GRXCR1: variants seen among roughly 807,000 people sequenced by gnomAD.
The protein encoded by GRXCR1 is glutaredoxin domain-containing cysteine-rich protein 1.
In GRXCR1, 27 loss-of-function variants were observed where a neutral mutation model predicts 27.3. The observed-to-expected ratio is 0.99, with a 90% CI of 0.73 to 1.37. The LOEUF (loss-of-function observed/expected upper bound fraction) is 1.37, where lower values mean the gene tolerates loss of function less well. GRXCR1 is among the 40% of genes most tolerant of loss of function. The pLI is 0.00. For missense variants in GRXCR1, 379 were observed against 354.4 expected (o/e 1.07, Z -0.56); for synonymous variants, 122 against 131.1 (o/e 0.93, Z 0.47).
At chr4:42,911,497 G>C (rs1025112510) in intron 1 of GRXCR1, among the ~76,000 whole-genome samples, 1 of 152,044 alleles carries the variant, frequency 6.6e-6, no homozygotes, top group Non-Finnish European at 1.5e-5. Context: ...AGATAGTATG[G>C]GTGAACAGGA....
intron 2 of GRXCR1, among the ~76,000 whole-genome samples, chr4:42,999,748 A>G (rs1037684214): frequency 2.0e-5 from 3 of 152,234 alleles, no homozygotes; most frequent in African/African-American, 7.2e-5. Context: ...CTAAATTAAG[A>G]AAACAGCTTT....
chr4:42,932,619 T>TATAGAGAGAG (rs1249820617), intron 1 of GRXCR1, among the ~76,000 whole-genome samples: 2 of 22,918 alleles, frequency 8.7e-5, no homozygotes, highest in Non-Finnish European at 1.5e-4. Context: ...TATATATATA[T>TATAGAGAGAG]AGAGAGAGAG....
chr4:42,943,959 T>C (rs559617681), intron 1 of GRXCR1, among the ~76,000 whole-genome samples: 1 of 152,156 alleles, frequency 6.6e-6, no homozygotes, highest in Non-Finnish European at 1.5e-5. Context: ...TCAATGGTGC[T>C]AAGGTTGAGA....
At chr4:42,931,539 A>T (rs879906585) in intron 1 of GRXCR1, among the ~76,000 whole-genome samples, 4 of 151,758 alleles carry the variant, frequency 2.6e-5, no homozygotes, top group African/African-American at 4.8e-5. Context: ...CTCATTAGAT[A>T]CTTTTGTGTC....
intron 1 of GRXCR1, among the ~76,000 whole-genome samples, chr4:42,921,638 AT>A (rs1464712521): frequency 3.9e-5 from 6 of 152,112 alleles, no homozygotes; most frequent in Non-Finnish European, 8.8e-5. Flanking sequence ...GATTTAAAAA[AT>A]GGATGGTTTT....
chr4:42,908,983 A>T (rs1343458434), intron 1 of GRXCR1, among the ~76,000 whole-genome samples: 1 of 152,180 alleles, frequency 6.6e-6, no homozygotes, highest in African/African-American at 2.4e-5. Flanking sequence ...ACCAGGTTCA[A>T]GAAGCCTACG....
At chr4:42,994,788 T>C (rs1436862950) in intron 2 of GRXCR1, among the ~76,000 whole-genome samples, 2 of 152,110 alleles carry the variant, frequency 1.3e-5, no homozygotes, top group East Asian at 3.8e-4. Flanking sequence ...GAGGACATGA[T>C]TAGATTTGAA....
At chr4:42,983,995 CT>C (rs1393165629) in intron 2 of GRXCR1, among the ~76,000 whole-genome samples, 1 of 151,944 alleles carries the variant, frequency 6.6e-6, no homozygotes, top group East Asian at 1.9e-4. Context: ...ACCATCATGC[CT>C]GAATAATTTT....
At chr4:43,019,696 T>C (rs190313436) in intron 2 of GRXCR1, among the ~76,000 whole-genome samples, 1 of 152,166 alleles carries the variant, frequency 6.6e-6, no homozygotes, top group Non-Finnish European at 1.5e-5. Flanking sequence ...GTTTTAGAAG[T>C]TAAAAGCATC....
At chr4:42,997,113 T>C (rs1712191883) in intron 2 of GRXCR1, among the ~76,000 whole-genome samples, 1 of 152,208 alleles carries the variant, frequency 6.6e-6, no homozygotes, top group Non-Finnish European at 1.5e-5. Flanking sequence ...TTAATTTATA[T>C]AAATATGTAC....
chr4:42,953,752 TG>T (rs923932741), intron 1 of GRXCR1, among the ~76,000 whole-genome samples: 12 of 152,164 alleles, frequency 7.9e-5, no homozygotes, highest in African/African-American at 2.9e-4. Context: ...TTGGATTTTT[TG>T]TTCATAGCAA....
At chr4:42,909,392 G>T (rs1284152977) in intron 1 of GRXCR1, among the ~76,000 whole-genome samples, 5 of 152,114 alleles carry the variant, frequency 3.3e-5, no homozygotes, top group Non-Finnish European at 5.9e-5. Context: ...CACATCTCTG[G>T]AAGTGGGGAT....
In GRXCR1 at chr4:43,023,516, G is replaced by C. The variant is rs917113249; in HGVS notation, c.693+3097G>C. Among the ~76,000 whole-genome samples, 3 of 152,220 alleles carry C rather than the reference G, an allele frequency of 2.0e-5. No individual in the cohort carries two copies. The East Asian group carries it at 5.8e-4, about 29-fold the overall frequency. On this transcript the variant is annotated intron_variant, in intron 3 of 3. Transcript: ENST00000399770. Reference sequence around the variant, plus strand: ...GATTATTAGTGGCCTCAAACGTGAGGAGCTGGCCAAAGGCAGCAGAAGCTA... The same window carrying C: ...GATTATTAGTGGCCTCAAACGTGAGCAGCTGGCCAAAGGCAGCAGAAGCTA...
At chr4:42,926,850 C>A (rs1183256176) in intron 1 of GRXCR1, among the ~76,000 whole-genome samples, 1 of 151,938 alleles carries the variant, frequency 6.6e-6, no homozygotes, top group Non-Finnish European at 1.5e-5. Context: ...GTTTTCTTTT[C>A]GTTTCTCCTG....
At chr4:42,901,115 C>T (rs1021089887) in intron 1 of GRXCR1, among the ~76,000 whole-genome samples, 2 of 152,106 alleles carry the variant, frequency 1.3e-5, no homozygotes, top group African/African-American at 4.8e-5. Flanking sequence ...TCCCAGAAAT[C>T]AAGAACATGG....
At chr4:42,953,067 C>T (rs1316086442) in intron 1 of GRXCR1, among the ~76,000 whole-genome samples, 2 of 152,078 alleles carry the variant, frequency 1.3e-5, no homozygotes, top group African/African-American at 4.8e-5. Context: ...AAAAAGCCAG[C>T]CAATGGTGAA....
chr4:42,987,250 T>A (rs1458045866), intron 2 of GRXCR1, among the ~76,000 whole-genome samples: 1 of 78,574 alleles, frequency 1.3e-5, no homozygotes, highest in East Asian at 3.5e-4. Flanking sequence ...TAATATATAA[T>A]ATATATATAT....
intron 1 of GRXCR1, among the ~76,000 whole-genome samples, chr4:42,905,543 G>A (rs372032780): frequency 2.7e-4 from 41 of 152,066 alleles, no homozygotes; most frequent in African/African-American, 8.4e-4. Context: ...AGTTTTTTTC[G>A]TGGCTTTATA....
Position 42,893,341 on chromosome 4 carries a change from T to C in GRXCR1, c.75T>C (p.Ser25=), listed in dbSNP as rs876657475. 6.8e-6 allele frequency: 11 copies of C among 1,613,598 alleles called. No homozygotes were observed. The highest frequency in any genetic ancestry group is 9.3e-6 in the Non-Finnish European group (11 of 1,179,790). ...GGTTTCGGATCGCGTCCTCTCACAG[T>C]GGGCGAGTTCTGAAGGAAGTGTATG... ...KVRFRIASSH[S]GRVLKEVYED... Residue 25 remains serine, a synonymous_variant, in exon 1 of 4, where the codon AGT becomes AGC. Transcript: ENST00000399770.
Sources: gnomAD v4.1 joint callset for allele counts (sites outside exome capture counted in the v4.1 genomes callset) on GRCh38, gnomAD v4.1.1 for gene constraint, MANE v1.5 for transcripts, NCBI Gene and HGNC (gene_info 2026-07-23, HGNC 2026-07-21) for gene names.